TRDN: variants seen among roughly 807,000 people sequenced by gnomAD.
TRDN encodes the protein triadin in skeletal muscle.
Under a neutral mutation model 149.7 loss-of-function variants are expected in TRDN, and 161 were observed. The observed-to-expected ratio is 1.08, with a 90% confidence interval of 0.95 to 1.23. The LOEUF (loss-of-function observed/expected upper bound fraction) is 1.23. Ranked by LOEUF, TRDN falls within the 50% of genes most tolerant of loss-of-function variation. The pLI, the probability that TRDN is intolerant of heterozygous loss-of-function variation, is 0.00. For missense variants in TRDN, 896 were observed against 823.5 expected, an observed-to-expected ratio of 1.09 and a Z score of -1.08; for synonymous variants, 294 against 250.5, an observed-to-expected ratio of 1.17 and a Z score of -1.64.
intron 22 of TRDN, among the ~76,000 whole-genome samples, chr6:123,332,276 G>A (rs545454398): frequency 6.7e-6 from 1 of 149,202 alleles, no homozygotes; most frequent in South Asian, 2.1e-4. Context: ...TGTTTAATCA[G>A]CACAAAGCCA....
At chr6:123,390,184 T>C (rs1280270972) in intron 13 of TRDN, among the ~76,000 whole-genome samples, 1 of 152,112 alleles carries the variant, frequency 6.6e-6, no homozygotes, top group Non-Finnish European at 1.5e-5. Flanking sequence ...AAGGGCAACC[T>C]GACAAAGGCC....
At chr6:123,535,171 C>T (rs1054414516) in intron 4 of TRDN, among the ~76,000 whole-genome samples, 2 of 151,912 alleles carry the variant, frequency 1.3e-5, no homozygotes, top group Non-Finnish European at 2.9e-5. Flanking sequence ...GAAAAAGACA[C>T]GGAAAAAAAG....
Position 123,337,752 on chromosome 6 carries a change from T to G in TRDN, c.1370-83A>C, listed in dbSNP as rs6569337. On this transcript the variant is annotated intron_variant, in intron 21 of 40. Transcript: ENST00000334268. ...AAGTCTCTTCATGTGTTTTGTATAC[T>G]GAGGCTTAAGATCACAGGGCATCTG... 20,546 of 764,888 alleles carry G rather than the reference T, an allele frequency of 0.027. 2,426 individuals carry two copies. In the African/African-American group the frequency reaches 0.28, roughly 11 times the overall value. 47.4% of individuals were successfully genotyped at this position (764,888 alleles called of 1,614,324 possible).
chr6:123,467,857 T>G (rs1351093350), intron 9 of TRDN, among the ~76,000 whole-genome samples: 4 of 152,164 alleles, frequency 2.6e-5, no homozygotes, highest in Non-Finnish European at 5.9e-5. Flanking sequence ...AAATCAGAGT[T>G]GTTTAGTATA....
At chr6:123,591,418 G>C (rs1205461581) in intron 1 of TRDN, among the ~76,000 whole-genome samples, 1 of 152,032 alleles carries the variant, frequency 6.6e-6, no homozygotes, top group African/African-American at 2.4e-5. Context: ...GCTAATTTTT[G>C]TATTTTTAGT....
At chr6:123,225,864 A>G (rs1000127416) in intron 38 of TRDN, among the ~76,000 whole-genome samples, 31 of 151,772 alleles carry the variant, frequency 2.0e-4, no homozygotes, top group African/African-American at 7.5e-4. Flanking sequence ...ATTCTAATGC[A>G]ATATAACGGA....
chr6:123,218,746 G>C lies in TRDN; in HGVS notation c.2051-6C>G, dbSNP rs773799664. ...CTGGAAGAAACTGATGGGACCTAAG[G>C]AACAGAGCATGACAGTTTGTTAAAA... On this transcript the variant is annotated splice_polypyrimidine_tract_variant and splice_region_variant and intron_variant, in intron 40 of 40. Coordinates refer to ENST00000334268, the MANE Select transcript of TRDN (RefSeq NM_006073.4). 1 of 1,561,104 alleles carries C rather than the reference G, an allele frequency of 6.4e-7. No individual in the cohort carries two copies. The highest frequency in any genetic ancestry group is 8.7e-7 in the Non-Finnish European group (1 of 1,150,802).
rs1777590222 is a variant in TRDN, at chr6:123,478,263, T to A, written c.854-13280A>T. Among the ~76,000 whole-genome samples the A allele has an allele frequency of 2.6e-5, 4 of 152,152 alleles. No homozygotes were observed. In the South Asian group the frequency reaches 8.3e-4, roughly 32 times the overall value. On this transcript the variant is annotated intron_variant, in intron 9 of 40. Transcript: ENST00000334268. ...CCTAAGGGAAAGAAAAATCACACAT[T>A]TTTTACATGGTCATTTTCTGTTTAA... is the stretch of plus-strand genomic sequence containing the variant.
chr6:123,439,297 C>T (rs566837041), intron 10 of TRDN, among the ~76,000 whole-genome samples: 20 of 151,808 alleles, frequency 1.3e-4, no homozygotes, highest in Non-Finnish European at 2.5e-4. Context: ...ACTTTCTGAA[C>T]CAAACAATTG....
intron 20 of TRDN, among the ~76,000 whole-genome samples, chr6:123,360,726 A>AGAGACG (rs1241194167): frequency 3.3e-4 from 50 of 151,166 alleles, no homozygotes; most frequent in African/African-American, 1.1e-3. Context: ...AGACGGAGAG[A>AGAGACG]GAGAGAGAGA....
chr6:123,452,643 A>G (rs4577817), intron 10 of TRDN, among the ~76,000 whole-genome samples: 135,561 of 152,192 alleles, frequency 0.89, 60,656 homozygotes, highest in East Asian at 1. Context: ...TTATGGATGG[A>G]TATAATCAAT....
chr6:123,530,848 T>C (rs1780211630), intron 4 of TRDN, among the ~76,000 whole-genome samples: 1 of 151,916 alleles, frequency 6.6e-6, no homozygotes, highest in Non-Finnish European at 1.5e-5. Flanking sequence ...AGTGCTAAAA[T>C]TGGTCACAAA....
chr6:123,487,277 T>C (rs1449812615), intron 9 of TRDN, among the ~76,000 whole-genome samples: 3 of 152,106 alleles, frequency 2.0e-5, no homozygotes, highest in African/African-American at 7.2e-5. Context: ...CATGCACATG[T>C]CACTGTTGGT....
In TRDN at chr6:123,429,960, T is replaced by C. The variant is rs576801127; in HGVS notation, c.1051+8103A>G. Among the ~76,000 whole-genome samples, 200 of 152,244 alleles carry C rather than the reference T, an allele frequency of 1.3e-3. 1 individual carries two copies. The highest frequency in any genetic ancestry group is 4.5e-3 in the African/African-American group (186 of 41,550). ...TTATATGCATTTCAATTCTCCCTGT[T>C]GAAAGAACTTAATAAAAGATAATAC... On this transcript the variant is annotated intron_variant, in intron 12 of 40. Coordinates refer to ENST00000334268, the MANE Select transcript of TRDN (RefSeq NM_006073.4).
At chr6:123,320,012 T>A (rs1198414747) in intron 23 of TRDN, among the ~76,000 whole-genome samples, 1 of 152,094 alleles carries the variant, frequency 6.6e-6, no homozygotes, top group Admixed American at 6.6e-5. Flanking sequence ...CTCTGCTTTG[T>A]CTTCATAAAA....
chr6:123,630,423 C>G (rs1340071765), intron 1 of TRDN, among the ~76,000 whole-genome samples: 2 of 151,916 alleles, frequency 1.3e-5, no homozygotes, highest in African/African-American at 4.8e-5. Context: ...TTATGTTTCT[C>G]TCATATTAAA....
At chr6:123,433,161 T>TATAA (rs1261837378) in intron 12 of TRDN, among the ~76,000 whole-genome samples, 34 of 39,594 alleles carry the variant, frequency 8.6e-4, no homozygotes, top group African/African-American at 3.0e-3. Context: ...TATATATATA[T>TATAA]AATATATATA....
At chr6:123,342,158 T>C (rs1326003497) in intron 21 of TRDN, among the ~76,000 whole-genome samples, 1 of 151,904 alleles carries the variant, frequency 6.6e-6, no homozygotes, top group Non-Finnish European at 1.5e-5. Context: ...ATTAGTAGGG[T>C]GCACTTTAGT....
intron 9 of TRDN, among the ~76,000 whole-genome samples, chr6:123,484,019 C>T (rs537190559): frequency 8.5e-5 from 13 of 152,094 alleles, no homozygotes; most frequent in African/African-American, 1.9e-4. Context: ...TGTTGAGCAA[C>T]GGGTTGAATA....
Sources: allele counts gnomAD v4.1 joint callset (sites outside exome capture counted in the v4.1 genomes callset), GRCh38; gene constraint gnomAD v4.1.1; transcripts MANE v1.5; gene names NCBI Gene and HGNC (gene_info 2026-07-23, HGNC 2026-07-21).